KCNH8: variants seen among roughly 807,000 people sequenced by gnomAD.
KCNH8 encodes potassium voltage-gated channel subfamily H member 8.
KCNH8 carries 70 observed loss-of-function variants against 103.6 expected under a neutral mutation model. The ratio of observed to expected loss-of-function variants is 0.68; its 90% CI spans 0.56 to 0.82. The LOEUF is 0.82. KCNH8 is among the 40% of genes least tolerant of loss of function. The pLI is 0.00. For missense variants in KCNH8, 1,217 were observed against 1,329.9 expected (o/e 0.92, Z 1.32); for synonymous variants, 498 against 489.4 (o/e 1.02, Z -0.23).
chr3:19,163,532 T>G (rs1451579915), intron 1 of KCNH8, among the ~76,000 whole-genome samples: 2 of 152,112 alleles, frequency 1.3e-5, no homozygotes. Flanking sequence ...TGCCTCAGAT[T>G]GCCAAGCACA....
intron 15 of KCNH8, among the ~76,000 whole-genome samples, chr3:19,521,299 A>G (rs1263287319): frequency 6.6e-6 from 1 of 152,008 alleles, no homozygotes; most frequent in Non-Finnish European, 1.5e-5. Context: ...GAAAGAGACA[A>G]ATATTTAGAT....
At chr3:19,305,619 G>T (rs1424347065) in intron 3 of KCNH8, among the ~76,000 whole-genome samples, 2 of 151,606 alleles carry the variant, frequency 1.3e-5, no homozygotes, top group African/African-American at 4.8e-5. Flanking sequence ...AGAAGACTTT[G>T]GATTTTTATT....
At position 19,352,594 on chromosome 3, in the gene KCNH8, C is replaced by T. The variant is rs866954521; in HGVS notation, c.811+4629C>T. On this transcript the variant is annotated intron_variant, in intron 5 of 15. Transcript: ENST00000328405. ...ATTAAGAACCTCACTCAAAACCACT[C>T]GACTACATGGAAACTGAACAATGTG... Among the ~76,000 whole-genome samples, 6 of 152,264 alleles carry T rather than the reference C, an allele frequency of 3.9e-5. No homozygotes were observed. The East Asian group carries it at 5.8e-4, about 15-fold the overall frequency.
intron 8 of KCNH8, among the ~76,000 whole-genome samples, chr3:19,438,755 C>T (rs998440144): frequency 6.6e-6 from 1 of 152,120 alleles, no homozygotes; most frequent in Admixed American, 6.6e-5. Flanking sequence ...TGGCTTAGAA[C>T]CTGAATTTTC....
At chr3:19,194,794 C>A (rs1371135975) in intron 1 of KCNH8, among the ~76,000 whole-genome samples, 2 of 151,748 alleles carry the variant, frequency 1.3e-5, no homozygotes, top group East Asian at 1.9e-4. Flanking sequence ...AGCTAAAAAA[C>A]AAGAGAAGGT....
intron 5 of KCNH8, 64 bp from the exon 6 acceptor site, chr3:19,390,417 T>C: frequency 7.9e-7 from 1 of 1,262,850 alleles, no homozygotes; most frequent in Non-Finnish European, 1.1e-6. Flanking sequence ...TCATTGTCCT[T>C]CCTACCTTCT....
intron 1 of KCNH8, among the ~76,000 whole-genome samples, chr3:19,209,542 A>G (rs1352126484): frequency 6.6e-6 from 1 of 152,080 alleles, no homozygotes; most frequent in Non-Finnish European, 1.5e-5. Flanking sequence ...GAGATTGACT[A>G]TTACATTGTA....
At chr3:19,194,320 C>T (rs2063580233) in intron 1 of KCNH8, among the ~76,000 whole-genome samples, 1 of 151,112 alleles carries the variant, frequency 6.6e-6, no homozygotes. Context: ...ATCTTTATTC[C>T]TTTTCTTTAT....
intron 1 of KCNH8, among the ~76,000 whole-genome samples, chr3:19,234,087 C>T (rs1217853950): frequency 6.6e-6 from 1 of 152,142 alleles, no homozygotes; most frequent in Non-Finnish European, 1.5e-5. Flanking sequence ...CTTATCTGGC[C>T]CCACTCACAT....
chr3:19,458,386 AAG>A (rs1343760885), intron 11 of KCNH8, among the ~76,000 whole-genome samples: 4 of 152,046 alleles, frequency 2.6e-5, no homozygotes, highest in South Asian at 2.1e-4. Context: ...GAAATTAGCA[AAG>A]AGAGAAAAAT....
At chr3:19,255,875 A>G (rs2064340378) in intron 2 of KCNH8, among the ~76,000 whole-genome samples, 1 of 152,168 alleles carries the variant, frequency 6.6e-6, no homozygotes, top group Admixed American at 6.6e-5. Flanking sequence ...GGACAATAAC[A>G]TAATGAAATG....
intron 7 of KCNH8, among the ~76,000 whole-genome samples, chr3:19,428,027 G>A (rs2067055170): frequency 6.6e-6 from 1 of 152,196 alleles, no homozygotes; most frequent in South Asian, 2.1e-4. Context: ...ATTAAAAAGT[G>A]TAATGACTTT....
At chr3:19,497,088 G>A (rs888746203) in intron 11 of KCNH8, among the ~76,000 whole-genome samples, 3 of 152,054 alleles carry the variant, frequency 2.0e-5, no homozygotes, top group Non-Finnish European at 4.4e-5. Flanking sequence ...CTGTAGGTCA[G>A]TGGTAACATC....
At chr3:19,404,767 T>C (rs2066666961) in intron 7 of KCNH8, among the ~76,000 whole-genome samples, 1 of 151,980 alleles carries the variant, frequency 6.6e-6, no homozygotes, top group South Asian at 2.1e-4. Flanking sequence ...TCCTAATTAA[T>C]TAATTAATTT....
chr3:19,380,699 G>C (rs896945768), intron 5 of KCNH8, among the ~76,000 whole-genome samples: 2 of 152,164 alleles, frequency 1.3e-5, no homozygotes, highest in African/African-American at 4.8e-5. Context: ...CAGTGACCTG[G>C]ATTATAACAT....
intron 10 of KCNH8, 115 bp downstream of exon 10, chr3:19,451,519 A>G: frequency 1.1e-6 from 1 of 883,480 alleles, no homozygotes. Context: ...GAAGACATGA[A>G]CTCAGGAGTA....
At chr3:19,221,579 C>T (rs552041838) in intron 1 of KCNH8, among the ~76,000 whole-genome samples, 1 of 151,554 alleles carries the variant, frequency 6.6e-6, no homozygotes, top group East Asian at 1.9e-4. Context: ...TTTTTTCTTA[C>T]AGAATTTTTC....
At chr3:19,180,806 T>G (rs2063445406) in intron 1 of KCNH8, among the ~76,000 whole-genome samples, 1 of 152,190 alleles carries the variant, frequency 6.6e-6, no homozygotes, top group Non-Finnish European at 1.5e-5. Context: ...AGCATATTTT[T>G]AGATGATTAC....
intron 11 of KCNH8, among the ~76,000 whole-genome samples, chr3:19,462,123 G>T (rs540249416): frequency 6.6e-6 from 1 of 152,282 alleles, no homozygotes; most frequent in East Asian, 1.9e-4. Context: ...TGTCTTTATG[G>T]CAGTATGACT....
Sources: gnomAD v4.1 joint callset for allele counts (sites outside exome capture counted in the v4.1 genomes callset) on GRCh38, gnomAD v4.1.1 for gene constraint, MANE v1.5 for transcripts, NCBI Gene and HGNC (gene_info 2026-07-23, HGNC 2026-07-21) for gene names.